ISLR2: variants seen among roughly 807,000 people sequenced by gnomAD.
The protein encoded by ISLR2 is immunoglobulin superfamily containing leucine rich repeat 2, also known as immunoglobulin superfamily containing leucine-rich repeat protein 2.
ISLR2 carries 16 observed loss-of-function variants against 25.5 expected under a neutral mutation model. The observed-to-expected ratio is 0.63, with a 90% confidence interval of 0.43 to 0.95. The LOEUF is 0.95. ISLR2 is among the 40% of genes least tolerant of loss of function. The probability of loss-of-function intolerance (pLI) is 0.00; values close to 1 mark genes in which losing one functional copy is unlikely to be tolerated. For missense variants in ISLR2, 883 were observed against 1,030.7 expected, an observed-to-expected ratio of 0.86 and a Z score of 1.96; for synonymous variants, 508 against 486.6, an observed-to-expected ratio of 1.04 and a Z score of -0.58.
chr15:74,122,609 T>G (rs532424057), intron 2 of ISLR2, among the ~76,000 whole-genome samples: 49 of 152,378 alleles, frequency 3.2e-4, no homozygotes, highest in African/African-American at 1.2e-3. Flanking sequence ...GTTTTTCGCT[T>G]GGGCAGTTTT....
At chr15:74,123,854 C>G (rs568692817), upstream of ISLR2, among the ~76,000 whole-genome samples, 2 of 152,208 alleles carry the variant, frequency 1.3e-5, no homozygotes, top group Middle Eastern at 3.4e-3. Context: ...TCAAGAATTC[C>G]GTGAAAGAGC....
At position 74,134,362 on chromosome 15, in the gene ISLR2, G is replaced by A; in HGVS notation, c.1608G>A (p.Gly536=). ...GCCTACTCTATCTGTGTCCAGCGGG[G>A]GGCGGCGCGGCAGTGCAGTGGTCCC... ...PLRLLYLCPA[G]GGAAVQWSRV... is the part of the protein sequence containing the mutation. The change falls in exon 3 of 3, where the codon GGG becomes GGA. Residue 536 remains glycine (G), a synonymous_variant. Coordinates refer to ENST00000453268, the MANE Select transcript of ISLR2 (RefSeq NM_020851.3). 6.2e-7 allele frequency: 1 copy of A among 1,600,590 alleles called. No individual in the cohort carries two copies. Among genetic ancestry groups the A allele is most frequent in the Non-Finnish European group, 8.5e-7 (1 of 1,175,680 alleles).
intron 2 of ISLR2, among the ~76,000 whole-genome samples, chr15:74,118,502 A>C (rs544506596): frequency 6.6e-6 from 1 of 152,276 alleles, no homozygotes; most frequent in African/African-American, 2.4e-5. Context: ...CTCGAAAATA[A>C]TGGGGCTGAT....
upstream of ISLR2, among the ~76,000 whole-genome samples, chr15:74,124,006 C>T (rs890268580): frequency 8.6e-5 from 13 of 151,850 alleles, no homozygotes; most frequent in South Asian, 2.1e-4. Flanking sequence ...ATAAATCAAT[C>T]GATCCAAGAA....
intron 1 of ISLR2, chr15:74,103,734 AC>A (rs1222666315): frequency 2.2e-5 from 3 of 136,606 alleles, no homozygotes; most frequent in African/African-American, 8.4e-5. Context: ...AATAATCCCC[AC>A]ATGTCAAGGG....
chr15:74,118,925 C>T (rs748880099), intron 2 of ISLR2, among the ~76,000 whole-genome samples: 2 of 151,938 alleles, frequency 1.3e-5, no homozygotes, highest in African/African-American at 2.4e-5. Flanking sequence ...CCAGAGTGCT[C>T]GGATTACCAG....
At chr15:74,124,792 T>A (rs915120823), upstream of ISLR2, among the ~76,000 whole-genome samples, 1 of 152,082 alleles carries the variant, frequency 6.6e-6, no homozygotes, top group Non-Finnish European at 1.5e-5. Flanking sequence ...ACAATAGGTA[T>A]GTTTCCTTGG....
At chr15:74,141,168 G>A (rs1445736452), downstream of ISLR2, among the ~76,000 whole-genome samples, 2 of 152,230 alleles carry the variant, frequency 1.3e-5, no homozygotes, top group African/African-American at 2.4e-5. Flanking sequence ...GTTTGAACAT[G>A]TGAATGTAAG....
chr15:74,125,609 A>G (rs1174278940), upstream of ISLR2, among the ~76,000 whole-genome samples: 1 of 152,228 alleles, frequency 6.6e-6, no homozygotes, highest in African/African-American at 2.4e-5. Context: ...TGAGACAAGC[A>G]CAGACCCAGA....
chr15:74,103,289 C>T (rs1158661756), intron 1 of ISLR2, among the ~76,000 whole-genome samples: 2 of 150,278 alleles, frequency 1.3e-5, no homozygotes, highest in African/African-American at 2.5e-5. Flanking sequence ...GTATGAAAGT[C>T]AAGCTTTTCA....
At chr15:74,106,974 G>C (rs1476580358) in intron 2 of ISLR2, among the ~76,000 whole-genome samples, 1 of 152,254 alleles carries the variant, frequency 6.6e-6, no homozygotes, top group African/African-American at 2.4e-5. Flanking sequence ...ACAGACCTTG[G>C]TGAGGGTGTT....
At position 74,109,050 on chromosome 15, in the gene ISLR2, A is replaced by G. The variant is rs529807934; in HGVS notation, n.228+5136A>G. 2.6e-5 allele frequency among the ~76,000 whole-genome samples: 4 copies of G among 152,376 alleles called. No individual in the cohort carries two copies. The South Asian group carries it at 8.3e-4, about 32-fold the overall frequency. ...ATACCTTTTGATTATGTAACTAAAC[A>G]TTATTGTGTTAAAAATTAAGAAATA... is the stretch of plus-strand genomic sequence containing the variant. On this transcript the variant is annotated intron_variant and non_coding_transcript_variant, in intron 2 of 3. Transcript: ENST00000561975.
chr15:74,123,855 G>A (rs964163809), upstream of ISLR2, among the ~76,000 whole-genome samples: 6 of 152,252 alleles, frequency 3.9e-5, no homozygotes, highest in Non-Finnish European at 7.4e-5. Context: ...CAAGAATTCC[G>A]TGAAAGAGCT....
Position 74,134,773 on chromosome 15 carries a change from G to C in ISLR2, c.2019G>C (p.Gln673His), listed in dbSNP as rs1398211557. 4 of 1,614,010 alleles carry C rather than the reference G, an allele frequency of 2.5e-6. No homozygotes were observed. The highest frequency in any genetic ancestry group is 3.4e-6 in the Non-Finnish European group (4 of 1,179,950). The change falls in exon 3 of 3, where the codon CAG becomes CAC. Residue 673 changes from glutamine (Q) to histidine (H), a missense_variant. Physicochemically the swap from Gln to His is conservative, Grantham distance 24 (BLOSUM62 0). Around this residue, in one of 2 missense-constraint regions of ISLR2, gnomAD observed 612 missense variants for 642.8 expected, o/e 0.95. Coordinates refer to ENST00000453268, the MANE Select transcript of ISLR2 (RefSeq NM_020851.3). ...EAGGEEPEDV[Q>H]GEGLDEDAEQ... Reference sequence around the variant, plus strand: ...GCGGCGAGGAGCCAGAGGACGTGCAGGGGGAGGGCCTTGATGAAGACGCGG... The same window carrying C: ...GCGGCGAGGAGCCAGAGGACGTGCACGGGGAGGGCCTTGATGAAGACGCGG...
chr15:74,132,356 A>G lies in ISLR2; in HGVS notation c.-8-391A>G, dbSNP rs1222437982. Among the ~76,000 whole-genome samples the G allele has an allele frequency of 6.6e-6, 1 of 152,174 alleles. No homozygotes were observed. Among genetic ancestry groups the G allele is most frequent in the African/African-American group, 2.4e-5 (1 of 41,446 alleles). On this transcript the variant is annotated intron_variant, in intron 2 of 2. Coordinates refer to ENST00000453268, the MANE Select transcript of ISLR2 (RefSeq NM_020851.3). The surrounding 1 kb of genome is among the most constrained non-coding windows in gnomAD (Gnocchi z 4.3). ...TTCCAGGGAGGACAGCCAGTCACGGACAAAAATGTCCTTCTTGGGTAGGAT... is the reference window on the plus strand; with the variant it reads ...TTCCAGGGAGGACAGCCAGTCACGGGCAAAAATGTCCTTCTTGGGTAGGAT...
At chr15:74,112,442 T>C (rs2072175149) in intron 2 of ISLR2, among the ~76,000 whole-genome samples, 1 of 152,228 alleles carries the variant, frequency 6.6e-6, no homozygotes, top group Non-Finnish European at 1.5e-5. Context: ...CAAGGGTTGA[T>C]ATTTCTCTAA....
intron 2 of ISLR2, among the ~76,000 whole-genome samples, chr15:74,115,891 GA>G (rs11307853): frequency 0.062 from 6,146 of 98,510 alleles, 132 homozygotes; most frequent in Middle Eastern, 0.079. Flanking sequence ...AAGATATATT[GA>G]AAAAAAAAAA....
rs1317583750 is a variant in ISLR2, at chr15:74,131,196, T to C, written c.-118-11T>C. The C allele has an allele frequency of 6.5e-6, 1 of 152,924 alleles. No homozygotes were observed. The highest frequency in any genetic ancestry group is 1.5e-5 in the Non-Finnish European group (1 of 68,136). 9.5% of individuals were successfully genotyped at this position (152,924 alleles called of 1,614,324 possible). A position where few individuals can be genotyped will look rare whatever the true frequency, so the allele number is the denominator to read the frequency against. On this transcript the variant is annotated splice_polypyrimidine_tract_variant and intron_variant, in intron 1 of 2. Transcript: ENST00000453268. Reference sequence around the variant, plus strand: ...CCTTTCTTTGCCCCCCGCCCCCCGTTTTCCCCACAGCCACAACACATGCGT... The same window carrying C: ...CCTTTCTTTGCCCCCCGCCCCCCGTCTTCCCCACAGCCACAACACATGCGT...
chr15:74,124,128 G>T (rs994909277), upstream of ISLR2, among the ~76,000 whole-genome samples: 4 of 150,758 alleles, frequency 2.7e-5, no homozygotes, highest in South Asian at 8.5e-4. Flanking sequence ...ATATAGATTG[G>T]TCTAAACTCC....
Sources: gnomAD v4.1 joint callset for allele counts (sites outside exome capture counted in the v4.1 genomes callset) on GRCh38, gnomAD v4.1.1 for gene constraint, gnomAD v4.1.1 regional missense constraint, Gnocchi (gnomAD v3.1) non-coding constraint, MANE v1.5 for transcripts, NCBI Gene and HGNC (gene_info 2026-07-23, HGNC 2026-07-21) for gene names.